The following PGBD5 variants were observed in gnomAD, a reference collection of about 807,000 sequenced individuals.
PGBD5 encodes piggyBac transposable element-derived protein 5.
Under a neutral mutation model 47.9 loss-of-function variants are expected in PGBD5, and 14 were observed. The observed-to-expected ratio is 0.29, with a 90% CI of 0.19 to 0.46. The LOEUF is 0.46. Ranked by LOEUF, PGBD5 falls within the 20% of genes least tolerant of loss-of-function variation. The probability of loss-of-function intolerance (pLI) is 1.00; values close to 1 mark genes in which losing one functional copy is unlikely to be tolerated. For missense variants in PGBD5, 635 were observed against 716.0 expected (o/e 0.89, Z 1.29); for synonymous variants, 316 against 306.3 (o/e 1.03, Z -0.33).
Position 230,323,668 on chromosome 1 carries a change from C to T in PGBD5, c.1380-48G>A, listed in dbSNP as rs374790260. ...CGGCTGACCCGATGGTTCATGGCACCCGGAGATGCATCCCAAAGGCCCCCC... is the reference window on the plus strand; with the variant it reads ...CGGCTGACCCGATGGTTCATGGCACTCGGAGATGCATCCCAAAGGCCCCCC... On this transcript the variant is annotated intron_variant, in intron 6 of 6. Coordinates refer to ENST00000391860, the MANE Select transcript of PGBD5 (RefSeq NM_001258311.2). This position sits in a 1 kb window ranked among gnomAD's most constrained non-coding sequence, Gnocchi z 4.1. 2.1e-4 allele frequency: 328 copies of T among 1,541,478 alleles called. No homozygotes were observed. Among genetic ancestry groups the T allele is most frequent in the Non-Finnish European group, 1.4e-4 (165 of 1,138,906 alleles).
chr1:230,383,715 A>G (rs993318171), intron 1 of PGBD5, among the ~76,000 whole-genome samples: 12 of 151,980 alleles, frequency 7.9e-5, no homozygotes, highest in African/African-American at 2.9e-4. Flanking sequence ...CAATTCCTCA[A>G]AGTTGGAGAG....
chr1:230,359,444 T>C (rs1667709651), intron 1 of PGBD5, among the ~76,000 whole-genome samples: 1 of 152,168 alleles, frequency 6.6e-6, no homozygotes, highest in Non-Finnish European at 1.5e-5. Context: ...TTATTACTGA[T>C]TTAGACAGTT....
At chr1:230,353,727 G>A (rs1667593558) in intron 2 of PGBD5, among the ~76,000 whole-genome samples, 1 of 152,188 alleles carries the variant, frequency 6.6e-6, no homozygotes, top group South Asian at 2.1e-4. Flanking sequence ...ACTGGTGTCT[G>A]CAGGCAGAGA....
intron 1 of PGBD5, among the ~76,000 whole-genome samples, chr1:230,388,705 G>A (rs759923132): frequency 1.1e-4 from 16 of 151,926 alleles, no homozygotes; most frequent in Non-Finnish European, 2.1e-4. Context: ...GTGAGCCACC[G>A]CACCCGGCCT....
chr1:230,379,721 C>T (rs1212058064), intron 1 of PGBD5, among the ~76,000 whole-genome samples: 5 of 152,238 alleles, frequency 3.3e-5, no homozygotes, highest in East Asian at 1.9e-4. Flanking sequence ...TCTGCACCCT[C>T]GTAGTGATCG....
Position 230,425,747 on chromosome 1 carries a change from T to G in PGBD5, c.182A>C (p.Asp61Ala). ...ASRSSSAASS[D>A]DEREPPGPPG... is the part of the protein sequence containing the mutation. ...GGGTCCCGGGGGCTCGCGCTCGTCG[T>G]CCGAGGAGGCGGCCGAGGAGGAGCG... is the stretch of plus-strand genomic sequence containing the variant. The change falls in exon 1 of 7, where the codon GAC becomes GCC. Residue 61 changes from aspartate (D) to alanine (A), a missense_variant. Physicochemically the swap from Asp to Ala is moderately radical, Grantham distance 126. Coordinates refer to ENST00000391860, the MANE Select transcript of PGBD5 (RefSeq NM_001258311.2). The surrounding 1 kb of genome is among the most constrained non-coding windows in gnomAD (Gnocchi z 4.7). 1 of 1,211,382 alleles carries G rather than the reference T, an allele frequency of 8.3e-7. No individual in the cohort carries two copies. 75.0% of individuals were successfully genotyped at this position (1,211,382 alleles called of 1,614,324 possible).
intron 1 of PGBD5, among the ~76,000 whole-genome samples, chr1:230,382,696 G>C (rs1656534076): frequency 6.6e-6 from 1 of 152,126 alleles, no homozygotes; most frequent in Non-Finnish European, 1.5e-5. Flanking sequence ...AGGTGTTCAG[G>C]CATCTTTAGA....
At chr1:230,422,143 T>A (rs1252634587) in intron 1 of PGBD5, among the ~76,000 whole-genome samples, 2 of 151,904 alleles carry the variant, frequency 1.3e-5, no homozygotes, top group African/African-American at 4.8e-5. Flanking sequence ...CCTCTCTCTC[T>A]CTCTTCTATG....
At chr1:230,375,402 G>C (rs766191378) in intron 1 of PGBD5, among the ~76,000 whole-genome samples, 1 of 152,090 alleles carries the variant, frequency 6.6e-6, no homozygotes, top group Non-Finnish European at 1.5e-5. Context: ...GAGGGCGGTG[G>C]GGGGACAGCA....
intron 5 of PGBD5, among the ~76,000 whole-genome samples, chr1:230,330,934 C>A (rs934513675): frequency 6.6e-6 from 1 of 152,146 alleles, no homozygotes; most frequent in Non-Finnish European, 1.5e-5. Flanking sequence ...TTACATGCTC[C>A]TTTGGTGTCT....
Position 230,319,640 on chromosome 1 carries a change from T to A in PGBD5, c.*3785A>T, listed in dbSNP as rs1667005966. ...ATTCAGAACCTTCCAGGCTCTGTCC[T>A]GGGGACCTGCAATCTTCTTGCTTCT... On this transcript the variant is annotated 3_prime_UTR_variant, in exon 7 of 7. Coordinates refer to ENST00000391860, the MANE Select transcript of PGBD5 (RefSeq NM_001258311.2). 1.3e-5 allele frequency: 2 copies of A among 152,194 alleles called. No individual in the cohort carries two copies. Among genetic ancestry groups the A allele is most frequent in the South Asian group, 4.2e-4 (2 of 4,818 alleles). The allele number at this position is 152,194 out of a possible 1,614,324, so 9.4% of individuals were successfully genotyped here.
At chr1:230,356,403 A>C (rs1667646190) in intron 2 of PGBD5, among the ~76,000 whole-genome samples, 4 of 152,144 alleles carry the variant, frequency 2.6e-5, no homozygotes, top group Admixed American at 2.6e-4. Flanking sequence ...AGCTCTGCCA[A>C]ACCCTCATCC....
intron 1 of PGBD5, among the ~76,000 whole-genome samples, chr1:230,404,512 G>A (rs938654126): frequency 1.3e-5 from 2 of 151,420 alleles, no homozygotes; most frequent in Non-Finnish European, 2.9e-5. Context: ...GGCTGAGGAG[G>A]GAGGGGAGGA....
intron 1 of PGBD5, among the ~76,000 whole-genome samples, chr1:230,383,046 T>TTATG (rs1306063512): frequency 5.9e-5 from 9 of 152,250 alleles, no homozygotes; most frequent in South Asian, 2.1e-4. Context: ...TGTCTCTGTT[T>TTATG]TATGTATGTA....
rs145817638 is a variant in PGBD5, at chr1:230,398,195, G to A, written c.331+27403C>T. Among the ~76,000 whole-genome samples the A allele has an allele frequency of 6.7e-4, 102 of 152,294 alleles. No individual in the cohort carries two copies. In the East Asian group the frequency reaches 0.019, roughly 29 times the overall value. On this transcript the variant is annotated intron_variant, in intron 1 of 6. Transcript: ENST00000391860. Reference sequence around the variant, plus strand: ...CTTGCACGTCTCATCTTGTAGGATGGTACATTCATTTGCTAAGCAACCATA... The same window carrying A: ...CTTGCACGTCTCATCTTGTAGGATGATACATTCATTTGCTAAGCAACCATA...
chr1:230,350,838 T>G (rs957730842), intron 3 of PGBD5, 120 bp downstream of exon 3: 3 of 1,408,524 alleles, frequency 2.1e-6, no homozygotes, highest in Non-Finnish European at 2.9e-6. Context: ...TGGGTGGACT[T>G]GGACCCACAG....
At chr1:230,414,478 G>A (rs1558215652) in intron 1 of PGBD5, among the ~76,000 whole-genome samples, 1 of 152,166 alleles carries the variant, frequency 6.6e-6, no homozygotes, top group Admixed American at 6.5e-5. Flanking sequence ...GGAAGAGACC[G>A]AGTCTATACA....
At chr1:230,413,713 C>T (rs1657459785) in intron 1 of PGBD5, among the ~76,000 whole-genome samples, 2 of 152,248 alleles carry the variant, frequency 1.3e-5, no homozygotes, top group South Asian at 4.2e-4. Context: ...CACGCTGTCT[C>T]CTGCTGGGTG....
chr1:230,332,086 G>A (rs137894356), intron 5 of PGBD5, among the ~76,000 whole-genome samples: 2 of 1,420 alleles, frequency 1.4e-3, no homozygotes, highest in East Asian at 0.023. Context: ...CCACACACAC[G>A]TACATGTGAG....
Sources: allele counts gnomAD v4.1 joint callset (sites outside exome capture counted in the v4.1 genomes callset), GRCh38; gene constraint gnomAD v4.1.1; non-coding constraint Gnocchi (gnomAD v3.1); transcripts MANE v1.5; gene names NCBI Gene and HGNC (gene_info 2026-07-23, HGNC 2026-07-21).